The following NEGR1 variants were observed in gnomAD, a reference collection of about 807,000 sequenced individuals.
The protein encoded by NEGR1 is neuronal growth regulator 1, also known as IgLON family member 4.
Under a neutral mutation model 40.9 loss-of-function variants are expected in NEGR1, and 10 were observed. The observed-to-expected ratio is 0.24, with a 90% CI of 0.15 to 0.42. The LOEUF (loss-of-function observed/expected upper bound fraction) is 0.42. NEGR1 is among the 10% of genes least tolerant of loss of function. NEGR1 has a pLI of 1.00. For missense variants in NEGR1, 352 were observed against 438.9 expected (o/e 0.80, Z 1.77); for synonymous variants, 185 against 166.8 (o/e 1.11, Z -0.84).
intron 6 of NEGR1, among the ~76,000 whole-genome samples, chr1:71,586,047 T>G (rs1365568873): frequency 6.6e-6 from 1 of 152,134 alleles, no homozygotes; most frequent in East Asian, 1.9e-4. Flanking sequence ...ATAATTTATT[T>G]TCCCCTATTT....
rs573845125 is a variant in NEGR1 at position 71,638,458 on chromosome 1, T to C, written c.668-27312A>G. Among the ~76,000 whole-genome samples, 70 of 152,204 alleles carry C rather than the reference T, an allele frequency of 4.6e-4. 1 individual carries two copies. Among genetic ancestry groups the C allele is most frequent in the Non-Finnish European group, 7.2e-4 (49 of 67,990 alleles). On this transcript the variant is annotated intron_variant, in intron 4 of 6. Transcript: ENST00000357731. ...ATAAAAATAAAGCATTTTGTGAGTG[T>C]CTGGCTCAAGAAAGGAACTCAAAAA...
At chr1:71,678,780 T>C (rs541844349) in intron 4 of NEGR1, among the ~76,000 whole-genome samples, 5 of 152,218 alleles carry the variant, frequency 3.3e-5, no homozygotes, top group African/African-American at 1.2e-4. Flanking sequence ...GTCTTCAACA[T>C]GATGTATTCA....
intron 2 of NEGR1, among the ~76,000 whole-genome samples, chr1:71,859,724 T>G (rs1271653573): frequency 6.6e-6 from 1 of 152,040 alleles, no homozygotes; most frequent in Admixed American, 6.6e-5. Context: ...CTTGCCACAT[T>G]TGGGGATGTC....
At chr1:71,491,377 A>C (rs1370863357) in intron 6 of NEGR1, among the ~76,000 whole-genome samples, 1 of 152,030 alleles carries the variant, frequency 6.6e-6, no homozygotes, top group Non-Finnish European at 1.5e-5. Flanking sequence ...GGACAATTGT[A>C]CTGAATGCAA....
intron 1 of NEGR1, among the ~76,000 whole-genome samples, chr1:72,219,450 G>T (rs1653938687): frequency 6.6e-6 from 1 of 151,910 alleles, no homozygotes. Flanking sequence ...ACAGTGCCAA[G>T]GCAAGCTTGG....
intron 1 of NEGR1, among the ~76,000 whole-genome samples, chr1:72,162,314 A>C (rs947056589): frequency 9.2e-5 from 14 of 151,926 alleles, no homozygotes; most frequent in African/African-American, 3.4e-4. Flanking sequence ...ATAAAAAATA[A>C]ATTAGCTGGG....
intron 1 of NEGR1, among the ~76,000 whole-genome samples, chr1:72,103,169 T>C (rs1261886097): frequency 6.6e-6 from 1 of 152,134 alleles, no homozygotes; most frequent in Non-Finnish European, 1.5e-5. Flanking sequence ...GTTGTTTAAT[T>C]AACTCTACTG....
intron 6 of NEGR1, among the ~76,000 whole-genome samples, chr1:71,417,234 T>C (rs1383333734): frequency 2.6e-5 from 4 of 152,226 alleles, no homozygotes; most frequent in Non-Finnish European, 4.4e-5. Context: ...TGTAGGATCA[T>C]ATTTAATTTA....
At chr1:71,977,582 CT>C (rs1259169183) in intron 1 of NEGR1, among the ~76,000 whole-genome samples, 2 of 151,750 alleles carry the variant, frequency 1.3e-5, no homozygotes, top group African/African-American at 4.8e-5. Flanking sequence ...TTTGTTGTAC[CT>C]ACTTTTATTT....
intron 6 of NEGR1, among the ~76,000 whole-genome samples, chr1:71,456,506 G>A (rs996922634): frequency 3.9e-5 from 6 of 152,162 alleles, no homozygotes; most frequent in Admixed American, 2.0e-4. Flanking sequence ...AGATAACAAC[G>A]CATTCCCAGG....
intron 2 of NEGR1, among the ~76,000 whole-genome samples, chr1:71,843,299 A>T (rs1659305422): frequency 6.6e-6 from 1 of 152,194 alleles, no homozygotes; most frequent in Non-Finnish European, 1.5e-5. Flanking sequence ...AGACTTAGCT[A>T]TGGAAACAGA....
intron 1 of NEGR1, among the ~76,000 whole-genome samples, chr1:72,258,752 T>C (rs1449966853): frequency 6.6e-6 from 1 of 152,150 alleles, no homozygotes; most frequent in Non-Finnish European, 1.5e-5. Context: ...CTAATCTATT[T>C]ATAAATTTTC....
intron 1 of NEGR1, among the ~76,000 whole-genome samples, chr1:72,262,664 C>T (rs7551287): frequency 0.056 from 8,440 of 151,782 alleles, 825 homozygotes; most frequent in African/African-American, 0.19. Flanking sequence ...TTATAAATAT[C>T]AAATTATCAT....
At chr1:72,227,986 C>G (rs1654246144) in intron 1 of NEGR1, among the ~76,000 whole-genome samples, 1 of 152,044 alleles carries the variant, frequency 6.6e-6, no homozygotes, top group Admixed American at 6.6e-5. Context: ...GCAATAATAG[C>G]ACCTGACTAA....
chr1:72,264,807 AAT>A (rs1165090294), intron 1 of NEGR1, among the ~76,000 whole-genome samples: 9 of 150,934 alleles, frequency 6.0e-5, no homozygotes, highest in Non-Finnish European at 1.2e-4. Flanking sequence ...TTAAAATGAT[AAT>A]GTTTTATTTC....
intron 5 of NEGR1, among the ~76,000 whole-genome samples, chr1:71,604,888 G>A (rs1394641724): frequency 2.0e-5 from 3 of 152,124 alleles, no homozygotes; most frequent in South Asian, 2.1e-4. Flanking sequence ...TTTGAAATAT[G>A]TTGCTTAAAA....
intron 2 of NEGR1, among the ~76,000 whole-genome samples, chr1:71,909,999 G>A (rs6660086): frequency 6.6e-6 from 1 of 151,986 alleles, no homozygotes; most frequent in African/African-American, 2.4e-5. Flanking sequence ...AGGAAGAAAA[G>A]CAAGAAATTA....
chr1:71,886,149 C>T (rs548207845), intron 2 of NEGR1, among the ~76,000 whole-genome samples: 1 of 152,074 alleles, frequency 6.6e-6, no homozygotes, highest in Non-Finnish European at 1.5e-5. Flanking sequence ...CACAAAGGAA[C>T]AAAAGGTGTT....
At chr1:71,570,343 T>C (rs1648770550) in intron 6 of NEGR1, among the ~76,000 whole-genome samples, 1 of 152,200 alleles carries the variant, frequency 6.6e-6, no homozygotes, top group Non-Finnish European at 1.5e-5. Flanking sequence ...CTTAAAACTA[T>C]AGCTCATTGG....
Sources: allele counts gnomAD v4.1 joint callset (sites outside exome capture counted in the v4.1 genomes callset), GRCh38; gene constraint gnomAD v4.1.1; transcripts MANE v1.5; gene names NCBI Gene and HGNC (gene_info 2026-07-23, HGNC 2026-07-21).